Variants in SPARC observed in about 807,000 individuals in gnomAD.
SPARC encodes the protein basement-membrane protein 40.
In SPARC, 23 loss-of-function variants were observed where a neutral mutation model predicts 37.7. That is an observed-to-expected ratio of 0.61 (90% CI 0.44 to 0.87). SPARC has a LOEUF of 0.87. Ranked by LOEUF, SPARC falls within the 40% of genes least tolerant of loss-of-function variation. SPARC has a pLI of 0.00. For missense variants in SPARC, 312 were observed against 389.0 expected (o/e 0.80, Z 1.66); for synonymous variants, 155 against 150.8 (o/e 1.03, Z -0.20).
chr5:151,661,388 G>T lies in SPARC; in HGVS notation c.*2183C>A, dbSNP rs1351231824. 1 of 152,172 alleles carries T rather than the reference G, an allele frequency of 6.6e-6. No homozygotes were observed. Among genetic ancestry groups the T allele is most frequent in the Non-Finnish European group, 1.5e-5 (1 of 68,030 alleles). 9.4% of individuals were successfully genotyped at this position (152,172 alleles called of 1,614,324 possible). On this transcript the variant is annotated 3_prime_UTR_variant, in exon 10 of 10. Coordinates refer to ENST00000231061, the MANE Select transcript of SPARC (RefSeq NM_003118.4). ...ATTCCTCAAATGGCCAGCACCAAAT[G>T]GGCCAATCTCTCCTACTGCTCGCCC...
At chr5:151,680,745 A>T (rs1261852388) in intron 1 of SPARC, among the ~76,000 whole-genome samples, 2 of 152,156 alleles carry the variant, frequency 1.3e-5, no homozygotes. Context: ...TTTGTTCCCC[A>T]ATGTGTAAAA....
At chr5:151,669,885 C>G (rs1760711632) in intron 5 of SPARC, 101 bp from the exon 6 acceptor site, 1 of 1,480,368 alleles carries the variant, frequency 6.8e-7, no homozygotes, top group African/African-American at 1.4e-5. Context: ...GAGGGTTAAG[C>G]AAGGAATGTC....
intron 3 of SPARC, among the ~76,000 whole-genome samples, chr5:151,674,310 G>C (rs753639324): frequency 6.6e-6 from 1 of 152,044 alleles, no homozygotes; most frequent in African/African-American, 2.4e-5. Flanking sequence ...CACCGCACCC[G>C]GCCTCCTCTG....
At chr5:151,684,322 C>G (rs1429494486) in intron 1 of SPARC, among the ~76,000 whole-genome samples, 1 of 151,936 alleles carries the variant, frequency 6.6e-6, no homozygotes, top group Non-Finnish European at 1.5e-5. Flanking sequence ...GGGAAATCAT[C>G]TAGCTTAGAA....
chr5:151,666,930 A>G (rs1317152763), intron 7 of SPARC, among the ~76,000 whole-genome samples: 1 of 152,238 alleles, frequency 6.6e-6, no homozygotes. Context: ...AGGCTGAGGC[A>G]GGGGAATCAC....
At chr5:151,668,758 T>G (rs3756631) in intron 6 of SPARC, among the ~76,000 whole-genome samples, 4 of 152,020 alleles carry the variant, frequency 2.6e-5, no homozygotes, top group Non-Finnish European at 4.4e-5. Flanking sequence ...CTCTCTAGTC[T>G]TGCTGCCCAG....
intron 3 of SPARC, 28 bp downstream of exon 3, chr5:151,674,584 T>C (rs1354673983): frequency 1.2e-6 from 2 of 1,611,374 alleles, no homozygotes; most frequent in Middle Eastern, 1.7e-4. Context: ...AGAGAGGGGC[T>C]AAGGGGCTGC....
At chr5:151,683,653 G>A (rs941304107) in intron 1 of SPARC, among the ~76,000 whole-genome samples, 3 of 152,148 alleles carry the variant, frequency 2.0e-5, no homozygotes, top group Admixed American at 6.5e-5. Context: ...TGCAAGTGGC[G>A]GTGTGTGTTT....
At chr5:151,680,839 G>A (rs1040668131) in intron 1 of SPARC, among the ~76,000 whole-genome samples, 19 of 152,214 alleles carry the variant, frequency 1.2e-4, no homozygotes, top group African/African-American at 2.9e-4. Context: ...CAATGTTGTC[G>A]TTGGGAAGAG....
rs961483958 is a variant in SPARC at position 151,662,623 on chromosome 5, G to A, written c.*948C>T. 1 of 152,574 alleles carries A rather than the reference G, an allele frequency of 6.6e-6. No individual in the cohort carries two copies. The highest frequency in any genetic ancestry group is 1.9e-4 in the East Asian group (1 of 5,188). 9.5% of individuals were successfully genotyped at this position (152,574 alleles called of 1,614,324 possible). Reference sequence around the variant, plus strand: ...TCTCTTGATTAATAGAAGAAAAAAGGGGAGGGTGAAGAAAAGGAGGAACAT... The same window carrying A: ...TCTCTTGATTAATAGAAGAAAAAAGAGGAGGGTGAAGAAAAGGAGGAACAT... On this transcript the variant is annotated 3_prime_UTR_variant, in exon 10 of 10. Transcript: ENST00000231061.
chr5:151,669,915 G>C (rs897527830), intron 5 of SPARC, 131 bp from the exon 6 acceptor site: 2 of 1,276,856 alleles, frequency 1.6e-6, no homozygotes, highest in Admixed American at 2.0e-5. Context: ...AGGTCATATA[G>C]TGAGTTAGTG....
At chr5:151,676,755 A>C (rs1205171784) in intron 1 of SPARC, among the ~76,000 whole-genome samples, 1 of 152,026 alleles carries the variant, frequency 6.6e-6, no homozygotes, top group African/African-American at 2.4e-5. Context: ...CCCTAAACCC[A>C]ATCTCTCCTC....
chr5:151,666,604 G>A, intron 7 of SPARC, 95 bp from the exon 8 acceptor site: 5 of 1,165,616 alleles, frequency 4.3e-6, no homozygotes, highest in Non-Finnish European at 6.1e-6. Context: ...AGAGCAGGCA[G>A]AGACTAGCCA....
chr5:151,668,444 C>T lies in SPARC; in HGVS notation c.452-844G>A, dbSNP rs149007591. Among the ~76,000 whole-genome samples the T allele has an allele frequency of 4.9e-3, 750 of 152,282 alleles. 4 individuals are homozygous for T. Among genetic ancestry groups the T allele is most frequent in the African/African-American group, 0.017 (695 of 41,550 alleles). On this transcript the variant is annotated intron_variant, in intron 6 of 9. Coordinates refer to ENST00000231061, the MANE Select transcript of SPARC (RefSeq NM_003118.4). The stretch of plus-strand genomic sequence containing the variant: ...CTGGGATTACAGGCGTGAGCCACCG[C>T]GCCTGACCCAGGTTCACACTTTGTA...
At chr5:151,680,216 CTTTTTTTTTTTT>C (rs58021431) in intron 1 of SPARC, among the ~76,000 whole-genome samples, 31 of 61,976 alleles carry the variant, frequency 5.0e-4, no homozygotes, top group Admixed American at 2.9e-3. Context: ...TGGAAAACAT[CTTTTTTTTTTTT>C]TTTTTTTTTT....
In SPARC at chr5:151,672,414, C is replaced by T. The variant is rs546305353; in HGVS notation, c.208+715G>A. 1.8e-4 allele frequency among the ~76,000 whole-genome samples: 28 copies of T among 152,226 alleles called. 1 individual carries two copies. Among genetic ancestry groups the T allele is most frequent in the African/African-American group, 6.5e-4 (27 of 41,538 alleles). On this transcript the variant is annotated intron_variant, in intron 4 of 9. Coordinates refer to ENST00000231061, the MANE Select transcript of SPARC (RefSeq NM_003118.4). ...GCTTGTCTGAAAACTTCCCGGCAGC[C>T]CTGGGACAAGGGTCTGCCATCTTCA...
At chr5:151,666,553 T>G (rs1349540496) in intron 7 of SPARC, 44 bp from the exon 8 acceptor site, 1 of 1,591,558 alleles carries the variant, frequency 6.3e-7, no homozygotes, top group Non-Finnish European at 8.6e-7. Flanking sequence ...CCATGGAGAT[T>G]GTCTGGACCA....
At chr5:151,665,291 T>C (rs1456034867) in intron 8 of SPARC, among the ~76,000 whole-genome samples, 1 of 152,194 alleles carries the variant, frequency 6.6e-6, no homozygotes, top group East Asian at 1.9e-4. Flanking sequence ...TTGCTTTGCC[T>C]GAGCTCCAGA....
intron 4 of SPARC, 194 bp downstream of exon 4, chr5:151,672,935 T>A: frequency 5.1e-6 from 3 of 589,296 alleles, no homozygotes; most frequent in Non-Finnish European, 9.2e-6. Context: ...TGGAAACCGA[T>A]CTTGCCCAGA....
Sources: gnomAD v4.1 joint callset for allele counts (sites outside exome capture counted in the v4.1 genomes callset) on GRCh38, gnomAD v4.1.1 for gene constraint, MANE v1.5 for transcripts, NCBI Gene and HGNC (gene_info 2026-07-23, HGNC 2026-07-21) for gene names.